ARID2: variants seen among roughly 807,000 people sequenced by gnomAD.
The protein encoded by ARID2 is AT-rich interaction domain 2.
Under a neutral mutation model 184.6 loss-of-function variants are expected in ARID2, and 32 were observed. The ratio of observed to expected loss-of-function variants is 0.17; its 90% confidence interval spans 0.13 to 0.23. The LOEUF (loss-of-function observed/expected upper bound fraction) is 0.23, where lower values mean the gene tolerates loss of function less well. Ranked by LOEUF, ARID2 falls within the 10% of genes least tolerant of loss-of-function variation. The pLI is 1.00. For synonymous variants in ARID2, 836 were observed against 772.6 expected (o/e 1.08, Z -1.36); for missense variants, 1,696 against 2,197.6 (o/e 0.77, Z 4.56).
At chr12:45,825,692 G>A (rs767866949) in intron 6 of ARID2, among the ~76,000 whole-genome samples, 5 of 151,930 alleles carry the variant, frequency 3.3e-5, no homozygotes, top group African/African-American at 4.8e-5. Context: ...ATGAGACCTC[G>A]TCTCTACAAA....
intron 2 of ARID2, 126 bp downstream of exon 2, chr12:45,730,263 C>T (rs1940955047): frequency 1.2e-6 from 1 of 809,408 alleles, no homozygotes; most frequent in Non-Finnish European, 1.8e-6. Flanking sequence ...TCTTTTCGCT[C>T]CCAGCCGGTG....
chr12:45,781,244 AG>A (rs1421700542), intron 3 of ARID2, among the ~76,000 whole-genome samples: 1 of 149,336 alleles, frequency 6.7e-6, no homozygotes, highest in African/African-American at 2.5e-5. Flanking sequence ...GTTGCAATCA[AG>A]ACTGCAGTCA....
intron 20 of ARID2, among the ~76,000 whole-genome samples, chr12:45,894,860 C>A (rs1460523795): frequency 6.6e-6 from 1 of 150,570 alleles, no homozygotes; most frequent in Non-Finnish European, 1.5e-5. Flanking sequence ...TGTTTCATAG[C>A]CTACATTTCA....
At chr12:45,899,713 A>ATATATATATGGTTT (rs1565644971) in intron 20 of ARID2, among the ~76,000 whole-genome samples, 62 of 139,746 alleles carry the variant, frequency 4.4e-4, no homozygotes, top group Non-Finnish European at 7.0e-4. Flanking sequence ...ATATATGGTT[A>ATATATATATGGTTT]TATATATATG....
intron 3 of ARID2, among the ~76,000 whole-genome samples, chr12:45,803,330 A>T (rs752336742): frequency 4.0e-5 from 6 of 151,504 alleles, no homozygotes; most frequent in Non-Finnish European, 8.8e-5. Context: ...TTCCAACAGT[A>T]TTTTTTTTGC....
intron 3 of ARID2, among the ~76,000 whole-genome samples, chr12:45,783,303 C>A (rs778234464): frequency 6.6e-6 from 1 of 152,120 alleles, no homozygotes. Flanking sequence ...ATGAAATTAG[C>A]TAATTCAGCA....
chr12:45,858,447 GTTCT>G (rs1217303340), intron 15 of ARID2, among the ~76,000 whole-genome samples: 1 of 152,136 alleles, frequency 6.6e-6, no homozygotes, highest in Non-Finnish European at 1.5e-5. Context: ...CACCATCAGA[GTTCT>G]ATGGCTTTTA....
chr12:45,778,951 T>A (rs1054797973), intron 3 of ARID2, among the ~76,000 whole-genome samples: 16 of 152,040 alleles, frequency 1.1e-4, no homozygotes, highest in Non-Finnish European at 7.4e-5. Context: ...AATAAATTTT[T>A]AAAATTGGCA....
At chr12:45,801,333 G>GT (rs201978123) in intron 3 of ARID2, among the ~76,000 whole-genome samples, 21,715 of 148,814 alleles carry the variant, frequency 0.15, 1,985 homozygotes, top group Admixed American at 0.21. Flanking sequence ...AAAAAAAAAA[G>GT]TAAAAAAAGA....
chr12:45,778,881 C>T (rs190994838), intron 3 of ARID2, among the ~76,000 whole-genome samples: 3 of 152,034 alleles, frequency 2.0e-5, no homozygotes, highest in Admixed American at 6.5e-5. Flanking sequence ...CCATGTGAAC[C>T]TACCACTCAA....
At position 45,729,724 on chromosome 12, in the gene ARID2, C is replaced by T; in HGVS notation, c.-113C>T. On this transcript the variant is annotated 5_prime_UTR_variant, in exon 1 of 21. Coordinates refer to ENST00000334344, the MANE Select transcript of ARID2 (RefSeq NM_152641.4). ...CGCCACCGCCGGCCCATGACTGAGC[C>T]CCGCCGCCGCCGGCCGAGGAATGGG... 1 of 1,091,320 alleles carries T rather than the reference C, an allele frequency of 9.2e-7. No individual in the cohort carries two copies. The allele number at this position is 1,091,320 out of a possible 1,614,324, so 67.6% of individuals were successfully genotyped here.
At chr12:45,845,758 A>G (rs1339187674) in intron 11 of ARID2, among the ~76,000 whole-genome samples, 1 of 152,086 alleles carries the variant, frequency 6.6e-6, no homozygotes, top group East Asian at 1.9e-4. Context: ...TTTAAAATGC[A>G]TTTGTTCTGT....
chr12:45,897,903 G>A (rs774434946), intron 20 of ARID2, among the ~76,000 whole-genome samples: 4 of 151,782 alleles, frequency 2.6e-5, no homozygotes, highest in Non-Finnish European at 5.9e-5. Flanking sequence ...GGGTTGCAGC[G>A]GAGCAATCAT....
intron 3 of ARID2, among the ~76,000 whole-genome samples, chr12:45,751,128 G>T (rs965530447): frequency 2.6e-5 from 4 of 152,132 alleles, no homozygotes; most frequent in Non-Finnish European, 4.4e-5. Flanking sequence ...AGCACAAGGA[G>T]AAAAATAAAG....
chr12:45,876,465 G>A (rs960046085), intron 16 of ARID2, among the ~76,000 whole-genome samples: 7 of 151,220 alleles, frequency 4.6e-5, no homozygotes, highest in South Asian at 2.1e-4. Context: ...CAGGAGAATC[G>A]TTTGAGCCCG....
intron 3 of ARID2, among the ~76,000 whole-genome samples, chr12:45,742,648 G>C (rs372167053): frequency 6.6e-6 from 1 of 151,912 alleles, no homozygotes; most frequent in African/African-American, 2.4e-5. Flanking sequence ...TGTTCCCATC[G>C]TGTAGCTATA....
intron 16 of ARID2, among the ~76,000 whole-genome samples, chr12:45,891,534 G>A (rs1356647951): frequency 1.3e-5 from 2 of 152,178 alleles, no homozygotes; most frequent in Non-Finnish European, 2.9e-5. Context: ...GTACAGTAGA[G>A]TATGGTATTT....
chr12:45,758,440 C>T (rs889507413), intron 3 of ARID2, among the ~76,000 whole-genome samples: 2 of 150,594 alleles, frequency 1.3e-5, no homozygotes, highest in African/African-American at 4.9e-5. Context: ...TTTTATGTGT[C>T]GCCTAAGGCA....
rs550027707 is a variant in ARID2, at chr12:45,815,581, G to A, written c.419-2089G>A. On this transcript the variant is annotated intron_variant, in intron 4 of 20. Transcript: ENST00000334344. ...ATGTTGTGACAGTAGATTTCTACTT[G>A]CATCCTACTTAAAGAGATTGTGTGT... 3.4e-4 allele frequency among the ~76,000 whole-genome samples: 51 copies of A among 151,772 alleles called. 1 individual carries two copies. The highest frequency in any genetic ancestry group is 1.2e-3 in the African/African-American group (49 of 41,144).
Sources: allele counts gnomAD v4.1 joint callset (sites outside exome capture counted in the v4.1 genomes callset), GRCh38; gene constraint gnomAD v4.1.1; transcripts MANE v1.5; gene names NCBI Gene and HGNC (gene_info 2026-07-23, HGNC 2026-07-21).